The following DHX57 variants were observed in gnomAD, a reference collection of about 807,000 sequenced individuals.
DHX57 encodes the protein putative ATP-dependent RNA helicase DHX57.
In DHX57, 105 loss-of-function variants were observed where a neutral mutation model predicts 156.2. The ratio of observed to expected loss-of-function variants is 0.67; its 90% CI spans 0.57 to 0.79. The LOEUF (loss-of-function observed/expected upper bound fraction) is 0.79, where lower values mean the gene tolerates loss of function less well. Ranked by LOEUF, DHX57 falls within the 30% of genes least tolerant of loss-of-function variation. The pLI, the probability that DHX57 is intolerant of heterozygous loss-of-function variation, is 0.00. For synonymous variants in DHX57, 704 were observed against 595.6 expected (o/e 1.18, Z -2.65); for missense variants, 1,847 against 1,661.9 (o/e 1.11, Z -1.94).
intron 13 of DHX57, among the ~76,000 whole-genome samples, chr2:38,837,611 C>CAAAA (rs55733950): frequency 0.074 from 3,754 of 50,392 alleles, 507 homozygotes; most frequent in Middle Eastern, 0.17. Flanking sequence ...AACCCCGTCT[C>CAAAA]AAAAAAAAAA....
At chr2:38,817,846 T>C (rs1670620737) in intron 19 of DHX57, among the ~76,000 whole-genome samples, 1 of 151,990 alleles carries the variant, frequency 6.6e-6, no homozygotes, top group Admixed American at 6.6e-5. Flanking sequence ...TACAGGCCCA[T>C]GTCACTAGGT....
chr2:38,817,630 G>A (rs1386846368), intron 19 of DHX57, among the ~76,000 whole-genome samples: 3 of 151,884 alleles, frequency 2.0e-5, no homozygotes, highest in Admixed American at 1.3e-4. Flanking sequence ...CACTTTGGAA[G>A]GGCACCTAAA....
intron 23 of DHX57, among the ~76,000 whole-genome samples, chr2:38,799,939 G>A (rs1296517039): frequency 3.3e-5 from 5 of 151,964 alleles, no homozygotes; most frequent in African/African-American, 4.8e-5. Flanking sequence ...TGTAATCCCA[G>A]CACTTTGGGA....
At chr2:38,832,991 T>TC (rs1314709917) in intron 13 of DHX57, among the ~76,000 whole-genome samples, 1 of 150,636 alleles carries the variant, frequency 6.6e-6, no homozygotes, top group Non-Finnish European at 1.5e-5. Flanking sequence ...CTTTTTTTTT[T>TC]TTTTTTTTTT....
chr2:38,850,058 A>T (rs1214388429), intron 9 of DHX57, among the ~76,000 whole-genome samples: 2 of 152,204 alleles, frequency 1.3e-5, no homozygotes, highest in African/African-American at 4.8e-5. Flanking sequence ...CAGGATCTAC[A>T]ACAATGCCTG....
intron 13 of DHX57, among the ~76,000 whole-genome samples, chr2:38,833,590 G>A (rs1198065657): frequency 6.6e-6 from 1 of 152,196 alleles, no homozygotes; most frequent in African/African-American, 2.4e-5. Flanking sequence ...ATAAGGGACT[G>A]CAAGTGAGGT....
Position 38,855,087 on chromosome 2 carries a change from C to T in DHX57, c.1875G>A (p.Val625=). 6.2e-7 allele frequency: 1 copy of T among 1,614,070 alleles called. No homozygotes were observed. Among genetic ancestry groups the T allele is most frequent in the Non-Finnish European group, 8.5e-7 (1 of 1,180,006 alleles). The change falls in exon 8 of 24, where the codon GTG becomes GTA. Residue 625 remains valine, a synonymous_variant. Transcript: ENST00000457308. ...KERAERVGLT[V]GYQIRLESVK... is the part of the protein sequence containing the mutation. The stretch of plus-strand genomic sequence containing the variant: ...CACTTTCTAACCGAATCTGGTATCC[C>T]ACGGTCAGACCCACCCTCTCTGCTC...
chr2:38,837,082 C>T (rs983401332), intron 13 of DHX57, among the ~76,000 whole-genome samples: 1 of 152,096 alleles, frequency 6.6e-6, no homozygotes, highest in Non-Finnish European at 1.5e-5. Flanking sequence ...CTCCTGGACT[C>T]AAATGATTCA....
intron 9 of DHX57, among the ~76,000 whole-genome samples, chr2:38,848,660 A>G (rs552467928): frequency 1.3e-5 from 2 of 152,362 alleles, no homozygotes; most frequent in South Asian, 4.1e-4. Flanking sequence ...TTGCATATAC[A>G]TAATGAGATA....
chr2:38,875,238 C>A (rs973934938), intron 1 of DHX57, among the ~76,000 whole-genome samples: 1 of 152,190 alleles, frequency 6.6e-6, no homozygotes, highest in African/African-American at 2.4e-5. Flanking sequence ...AAGACTCCAA[C>A]TATCTTTCTT....
intron 22 of DHX57, 122 bp downstream of exon 22, chr2:38,806,437 C>T: frequency 4.8e-6 from 5 of 1,052,422 alleles, no homozygotes; most frequent in Non-Finnish European, 6.8e-6. Flanking sequence ...ATTCAATCTT[C>T]CCTCAGTCAG....
intron 17 of DHX57, among the ~76,000 whole-genome samples, chr2:38,821,140 A>G (rs373105022): frequency 9.1e-4 from 139 of 152,298 alleles, no homozygotes; most frequent in African/African-American, 3.1e-3. Context: ...GTCACAGGAG[A>G]ATAAAAAGGA....
intron 16 of DHX57, among the ~76,000 whole-genome samples, chr2:38,824,999 G>T (rs545079349): frequency 8.5e-5 from 13 of 152,188 alleles, no homozygotes; most frequent in Admixed American, 5.9e-4. Context: ...GTCCTGCCTT[G>T]TGATAGCTCT....
intron 5 of DHX57, among the ~76,000 whole-genome samples, chr2:38,860,141 A>T (rs900417834): frequency 1.3e-5 from 2 of 151,168 alleles, no homozygotes; most frequent in Admixed American, 6.6e-5. Flanking sequence ...AAAGGGGCTT[A>T]CTTGTGGTGT....
Position 38,825,993 on chromosome 2 carries a change from A to G in DHX57, c.2868T>C (p.Ala956=), listed in dbSNP as rs776558024. ...CTCGGCCTTTCCTTTGTAGAGCATT[A>G]GCTTGAGATACAAAGGTGTCCTCTA... ...ESLEDTFVSQ[A]NALQRKGRAG... is the part of the protein sequence containing the mutation. The change falls in exon 16 of 24, where the codon GCT becomes GCC. Residue 956 remains alanine, a synonymous_variant. Coordinates refer to ENST00000457308, the MANE Select transcript of DHX57 (RefSeq NM_198963.3). 6.2e-7 allele frequency: 1 copy of G among 1,614,222 alleles called. No homozygotes were observed. The highest frequency in any genetic ancestry group is 1.7e-5 in the Admixed American group (1 of 60,018).
rs375171088 is a variant in DHX57 at position 38,869,241 on chromosome 2, C to T, written c.-6-830G>A. 2.6e-5 allele frequency among the ~76,000 whole-genome samples: 4 copies of T among 152,154 alleles called. No individual in the cohort carries two copies. The East Asian group carries it at 7.7e-4, about 29-fold the overall frequency. On this transcript the variant is annotated intron_variant, in intron 1 of 23. Transcript: ENST00000457308. ...TGCCAAGGGCAAAAGGGAAGTAGGC[C>T]GTAAGACAGATAGCTCCTAATCTTT...
At position 38,807,547 on chromosome 2, in the gene DHX57, C is replaced by T. The variant is rs183451636; in HGVS notation, c.3682-854G>A. On this transcript the variant is annotated intron_variant, in intron 21 of 23. Coordinates refer to ENST00000457308, the MANE Select transcript of DHX57 (RefSeq NM_198963.3). ...TAATTTTTTGTATTTTTAGTAGAGA[C>T]GGGGTTTCACCATGTTAGCCAGGAT... Among the ~76,000 whole-genome samples the T allele has an allele frequency of 1.6e-3, 241 of 151,598 alleles. 4 individuals carry two copies. In the East Asian group the frequency reaches 0.04, roughly 25 times the overall value.
Position 38,826,039 on chromosome 2 carries a change from G to A in DHX57, c.2822C>T (p.Ala941Val). The change falls in exon 16 of 24, where the codon GCC becomes GTC. Residue 941 changes from alanine to valine, a missense_variant. Ala to Val is a moderately conservative substitution (Grantham distance 64). Coordinates refer to ENST00000457308, the MANE Select transcript of DHX57 (RefSeq NM_198963.3). ...SGKMKEKRYD[A>V]SKGMESLEDT... is the part of the protein sequence containing the mutation. ...CTCTAGACTTTCCATCCCTTTGCTG[G>A]CATCATATCTATAAAGAAAAAGAAA... The A allele has an allele frequency of 6.2e-7, 1 of 1,613,180 alleles. No homozygotes were observed. Among genetic ancestry groups the A allele is most frequent in the African/African-American group, 1.3e-5 (1 of 74,962 alleles).
At chr2:38,811,511 C>A in intron 21 of DHX57, 1 of 914,288 alleles carries the variant, frequency 1.1e-6, no homozygotes, top group Non-Finnish European at 1.8e-6. Flanking sequence ...GTGCCTTCTT[C>A]CTGGCTTCCT....
Sources: allele counts gnomAD v4.1 joint callset (sites outside exome capture counted in the v4.1 genomes callset), GRCh38; gene constraint gnomAD v4.1.1; transcripts MANE v1.5; gene names NCBI Gene and HGNC (gene_info 2026-07-23, HGNC 2026-07-21).